Variants in NTRK2 observed in about 807,000 individuals in gnomAD.
The protein encoded by NTRK2 is neurotrophic receptor tyrosine kinase 2, also known as BDNF/NT-3 growth factors receptor.
Under a neutral mutation model 94.5 loss-of-function variants are expected in NTRK2, and 13 were observed. The ratio of observed to expected loss-of-function variants is 0.14; its 90% CI spans 0.09 to 0.22. The LOEUF (loss-of-function observed/expected upper bound fraction) is 0.22. NTRK2 is among the 10% of genes least tolerant of loss of function. The pLI, the probability that NTRK2 is intolerant of heterozygous loss-of-function variation, is 1.00. For synonymous variants in NTRK2, 372 were observed against 407.4 expected (o/e 0.91, Z 1.05); for missense variants, 639 against 1,071.2 (o/e 0.60, Z 5.63).
chr9:84,977,813 C>T (rs1827081630), intron 17 of NTRK2, among the ~76,000 whole-genome samples: 1 of 152,246 alleles, frequency 6.6e-6, no homozygotes, highest in Non-Finnish European at 1.5e-5. Flanking sequence ...ATTTTTCCAA[C>T]TGCATGGGCT....
rs2075947278 is a variant in NTRK2 at position 84,873,454 on chromosome 9, T to G, written c.1633+6023T>G. The G allele has an allele frequency of 2.8e-6, 3 of 1,059,720 alleles. No homozygotes were observed. The Admixed American group carries it at 1.6e-4, about 57-fold the overall frequency. 65.6% of individuals were successfully genotyped at this position (1,059,720 alleles called of 1,614,324 possible). ...CGTGGGAGCCTTCATGGCACATTGCTGCTGTTCTGCAGGTCCCAATACAAT... is the reference window on the plus strand; with the variant it reads ...CGTGGGAGCCTTCATGGCACATTGCGGCTGTTCTGCAGGTCCCAATACAAT... On this transcript the variant is annotated intron_variant, in intron 14 of 18. Coordinates refer to ENST00000277120, the MANE Select transcript of NTRK2 (RefSeq NM_006180.6).
intron 15 of NTRK2, among the ~76,000 whole-genome samples, chr9:84,944,485 C>A (rs1183871143): frequency 6.6e-6 from 1 of 152,178 alleles, no homozygotes; most frequent in African/African-American, 2.4e-5. Context: ...AAAGATTATA[C>A]ACAGAATTTG....
At chr9:84,966,404 C>T (rs757164028) in intron 17 of NTRK2, among the ~76,000 whole-genome samples, 4 of 152,120 alleles carry the variant, frequency 2.6e-5, no homozygotes, top group Non-Finnish European at 5.9e-5. Flanking sequence ...GTCTGATGTC[C>T]AGCCAAGTGT....
intron 14 of NTRK2, among the ~76,000 whole-genome samples, chr9:84,891,288 C>T (rs2132301996): frequency 6.6e-6 from 1 of 151,924 alleles, no homozygotes; most frequent in Middle Eastern, 3.4e-3. Flanking sequence ...AGAATGAGCA[C>T]TGTCTCACCT....
At chr9:84,685,185 A>G (rs949970931) in intron 2 of NTRK2, among the ~76,000 whole-genome samples, 1 of 152,028 alleles carries the variant, frequency 6.6e-6, no homozygotes, top group African/African-American at 2.4e-5. Context: ...AGTATAGCCA[A>G]TCAGTTTCTG....
intron 17 of NTRK2, among the ~76,000 whole-genome samples, chr9:85,002,506 C>T (rs963175123): frequency 3.3e-5 from 5 of 152,156 alleles, no homozygotes; most frequent in Non-Finnish European, 7.4e-5. Context: ...ACCACTTTTT[C>T]CACTTTCAAA....
At chr9:84,834,030 A>G (rs1383318959) in intron 12 of NTRK2, among the ~76,000 whole-genome samples, 1 of 152,186 alleles carries the variant, frequency 6.6e-6, no homozygotes, top group Non-Finnish European at 1.5e-5. Flanking sequence ...TACAATCGCC[A>G]TAGCCACTGT....
chr9:84,922,409 C>T (rs1308542098), intron 14 of NTRK2, among the ~76,000 whole-genome samples: 3 of 152,196 alleles, frequency 2.0e-5, no homozygotes, highest in African/African-American at 2.4e-5. Context: ...GTATTTTTTA[C>T]GTGTGTTATG....
intron 17 of NTRK2, among the ~76,000 whole-genome samples, chr9:84,987,083 A>G (rs1384971750): frequency 2.6e-5 from 4 of 152,156 alleles, no homozygotes; most frequent in Non-Finnish European, 4.4e-5. Flanking sequence ...TTTGATTTGA[A>G]AAAACAAGCA....
rs1832920269 is a variant in NTRK2, at chr9:85,024,161, T to C, written c.*2724T>C. The stretch of plus-strand genomic sequence containing the variant: ...CTGTTGTCTTAAGAGTATGTGCTGA[T>C]TTCAGAGACATCTCAAATTGAAAGA... On this transcript the variant is annotated 3_prime_UTR_variant, in exon 19 of 19. Transcript: ENST00000277120. 1 of 231,994 alleles carries C rather than the reference T, an allele frequency of 4.3e-6. No homozygotes were observed. The highest frequency in any genetic ancestry group is 8.5e-6 in the Non-Finnish European group (1 of 117,282). 14.4% of individuals were successfully genotyped at this position (231,994 alleles called of 1,614,324 possible).
chr9:84,778,769 G>A (rs117102720), intron 12 of NTRK2, among the ~76,000 whole-genome samples: 3,372 of 152,282 alleles, frequency 0.022, 49 homozygotes, highest in Non-Finnish European at 0.035. Context: ...TGCAGTTCCC[G>A]CTGGTGGACT....
At position 84,727,805 on chromosome 9, in the gene NTRK2, T is replaced by C. The variant is rs201853768; in HGVS notation, c.1005T>C (p.His335=). 23 of 1,614,048 alleles carry C rather than the reference T, an allele frequency of 1.4e-5. No homozygotes were observed. In the Middle Eastern group the frequency reaches 4.9e-4, roughly 35 times the overall value. ...CCAAATACATCTGTACTAAAATACA[T>C]GTTACCAATCACACGGAGTACCACG... ...NESKYICTKI[H]VTNHTEYHGC... is the part of the protein sequence containing the mutation. The change falls in exon 9 of 19, where the codon CAT becomes CAC. Residue 335 remains histidine, a synonymous_variant. Transcript: ENST00000277120.
intron 14 of NTRK2, among the ~76,000 whole-genome samples, chr9:84,923,349 T>G (rs1435067931): frequency 6.6e-6 from 1 of 152,216 alleles, no homozygotes; most frequent in Admixed American, 6.5e-5. Context: ...TTATCGCTGT[T>G]TACCACATTC....
intron 17 of NTRK2, among the ~76,000 whole-genome samples, chr9:84,970,582 C>T (rs4412435): frequency 0.5 from 76,078 of 151,796 alleles, 19,553 homozygotes; most frequent in Middle Eastern, 0.6. Flanking sequence ...GGTGAGTCAG[C>T]GCTGGGCAGG....
At chr9:84,926,211 T>TTTCTTTCC (rs2077807495) in intron 14 of NTRK2, among the ~76,000 whole-genome samples, 1 of 140,196 alleles carries the variant, frequency 7.1e-6, no homozygotes, top group African/African-American at 2.6e-5. Context: ...TCTTTCTTTC[T>TTTCTTTCC]TTCTTTCTTT....
chr9:84,771,662 G>C (rs2066557796), intron 12 of NTRK2, among the ~76,000 whole-genome samples: 1 of 152,130 alleles, frequency 6.6e-6, no homozygotes, highest in African/African-American at 2.4e-5. Flanking sequence ...CCATCTGCCT[G>C]GTTATTTCTT....
intron 12 of NTRK2, among the ~76,000 whole-genome samples, chr9:84,852,913 T>G (rs968611915): frequency 2.0e-5 from 3 of 152,222 alleles, no homozygotes; most frequent in African/African-American, 7.2e-5. Context: ...CAGAAGCTGA[T>G]TAATTTTCAA....
intron 6 of NTRK2, among the ~76,000 whole-genome samples, chr9:84,719,765 T>A (rs1029597939): frequency 1.3e-5 from 2 of 151,990 alleles, no homozygotes; most frequent in African/African-American, 4.8e-5. Flanking sequence ...ATACCTATAA[T>A]CCTAGCACTT....
intron 6 of NTRK2, among the ~76,000 whole-genome samples, chr9:84,713,700 A>G (rs34978260): frequency 0.026 from 3,927 of 152,258 alleles, 75 homozygotes; most frequent in Admixed American, 0.047. Context: ...AAAACTGAGA[A>G]CTTTGAAGAT....
Sources: gnomAD v4.1 joint callset for allele counts (sites outside exome capture counted in the v4.1 genomes callset) on GRCh38, gnomAD v4.1.1 for gene constraint, MANE v1.5 for transcripts, NCBI Gene and HGNC (gene_info 2026-07-23, HGNC 2026-07-21) for gene names.